The following KLF12 variants were observed in gnomAD, a reference collection of about 807,000 sequenced individuals.
KLF12 encodes KLF transcription factor 12.
KLF12 carries 9 observed loss-of-function variants against 37.8 expected under a neutral mutation model. The observed-to-expected ratio is 0.24, with a 90% CI of 0.14 to 0.42. The LOEUF (loss-of-function observed/expected upper bound fraction) is 0.42, where lower values mean the gene tolerates loss of function less well. Ranked by LOEUF, KLF12 falls within the 10% of genes least tolerant of loss-of-function variation. KLF12 has a pLI of 1.00. For missense variants in KLF12, 411 were observed against 516.0 expected, an observed-to-expected ratio of 0.80 and a Z score of 1.97; for synonymous variants, 208 against 202.1, an observed-to-expected ratio of 1.03 and a Z score of -0.25.
At chr13:74,223,605 G>C in the KLF12 span, among the ~76,000 whole-genome samples, 1 of 152,292 alleles carries the variant, frequency 6.6e-6, no homozygotes, top group East Asian at 1.9e-4. Context: ...ATGGAATAGA[G>C]ATGGAAAGTG....
chr13:74,172,720 C>T, the KLF12 span, among the ~76,000 whole-genome samples: 79 of 152,290 alleles, frequency 5.2e-4, no homozygotes, highest in African/African-American at 1.7e-3. Context: ...GTGCCTTTCC[C>T]CATACCACAG....
At chr13:74,146,451 A>T in the KLF12 span, among the ~76,000 whole-genome samples, 1 of 152,184 alleles carries the variant, frequency 6.6e-6, no homozygotes, top group Non-Finnish European at 1.5e-5. Context: ...GACAGTACAA[A>T]GCTTGAAAAA....
chr13:73,918,170 A>C (rs1888937543), intron 3 of KLF12, among the ~76,000 whole-genome samples: 1 of 152,150 alleles, frequency 6.6e-6, no homozygotes, highest in Non-Finnish European at 1.5e-5. Context: ...CACAAAACTA[A>C]GTGAAAAGAA....
At chr13:74,079,823 G>A (rs1246391203) in intron 1 of KLF12, among the ~76,000 whole-genome samples, 1 of 152,158 alleles carries the variant, frequency 6.6e-6, no homozygotes, top group Non-Finnish European at 1.5e-5. Context: ...CAGTATGGCG[G>A]TTCCTCAAAA....
chr13:74,074,094 T>C (rs1393897088), intron 1 of KLF12, among the ~76,000 whole-genome samples: 1 of 152,190 alleles, frequency 6.6e-6, no homozygotes, highest in Non-Finnish European at 1.5e-5. Flanking sequence ...AAAGAATCAC[T>C]GATTAAAAAG....
intron 2 of KLF12, among the ~76,000 whole-genome samples, chr13:73,970,732 G>A (rs1449184975): frequency 6.6e-6 from 1 of 152,184 alleles, no homozygotes; most frequent in Non-Finnish European, 1.5e-5. Flanking sequence ...TGGAAATGCT[G>A]AAGAAACATT....
At chr13:74,184,096 G>C in the KLF12 span, among the ~76,000 whole-genome samples, 1 of 152,150 alleles carries the variant, frequency 6.6e-6, no homozygotes, top group African/African-American at 2.4e-5. Context: ...CCCAGCCTTA[G>C]ACCTCCTGAA....
At position 73,693,343 on chromosome 13, in the gene KLF12, T is replaced by G. The variant is rs1359587439; in HGVS notation, c.*2147A>C. 6.6e-6 allele frequency: 1 copy of G among 152,162 alleles called. No homozygotes were observed. The highest frequency in any genetic ancestry group is 1.5e-5 in the Non-Finnish European group (1 of 68,026). The allele number at this position is 152,162 out of a possible 1,614,324, so 9.4% of individuals were successfully genotyped here. A position where few individuals can be genotyped will look rare whatever the true frequency, so the allele number is the denominator to read the frequency against. ...TTTCCAGGTGCTAAAAAAAACCCAC[T>G]GGTTGATGAGTAGTAGACTGTGCAG... On this transcript the variant is annotated 3_prime_UTR_variant, in exon 8 of 8. Transcript: ENST00000377669.
rs1292624255 is a variant in KLF12, at chr13:73,693,917, G to A, written c.*1573C>T. ...TTCTGAAAGAATGCTCGTTGGTGAT[G>A]TATTGCTTGTTTACTGTATATGTTC... On this transcript the variant is annotated 3_prime_UTR_variant, in exon 8 of 8. Transcript: ENST00000377669. 6.6e-6 allele frequency: 1 copy of A among 152,558 alleles called. No individual in the cohort carries two copies. Among genetic ancestry groups the A allele is most frequent in the African/African-American group, 2.4e-5 (1 of 41,430 alleles). 9.5% of individuals were successfully genotyped at this position (152,558 alleles called of 1,614,324 possible). A position where few individuals can be genotyped will look rare whatever the true frequency, so the allele number is the denominator to read the frequency against.
chr13:73,784,500 A>G (rs1296918561), intron 5 of KLF12, among the ~76,000 whole-genome samples: 4 of 148,268 alleles, frequency 2.7e-5, no homozygotes, highest in Non-Finnish European at 6.0e-5. Context: ...AACTTACTTC[A>G]GTAACGAGCC....
chr13:73,856,647 T>C (rs973166661), intron 3 of KLF12, among the ~76,000 whole-genome samples: 1 of 151,848 alleles, frequency 6.6e-6, no homozygotes, highest in Non-Finnish European at 1.5e-5. Flanking sequence ...CTTTAAAAAA[T>C]AAGGTAATGT....
intron 1 of KLF12, among the ~76,000 whole-genome samples, chr13:74,098,156 T>C (rs1167031015): frequency 6.6e-6 from 1 of 152,194 alleles, no homozygotes; most frequent in Non-Finnish European, 1.5e-5. Flanking sequence ...TCGGCCATAA[T>C]AATAAAGTCA....
intron 3 of KLF12, among the ~76,000 whole-genome samples, chr13:73,885,573 A>G (rs939140470): frequency 8.5e-5 from 13 of 152,238 alleles, no homozygotes; most frequent in African/African-American, 2.9e-4. Context: ...TGGTCACACA[A>G]AAGTTTAGTG....
At chr13:73,808,477 G>A (rs1566382941) in intron 5 of KLF12, among the ~76,000 whole-genome samples, 2 of 152,028 alleles carry the variant, frequency 1.3e-5, no homozygotes, top group Non-Finnish European at 2.9e-5. Context: ...GTAAACAGAG[G>A]TCGATTCAGA....
At position 73,686,534 on chromosome 13, in the gene KLF12, T is replaced by C. The variant is rs762296228; in HGVS notation, c.*8956A>G. The C allele has an allele frequency of 3.9e-5, 6 of 152,668 alleles. No homozygotes were observed. Among genetic ancestry groups the C allele is most frequent in the Non-Finnish European group, 7.3e-5 (5 of 68,048 alleles). The allele number at this position is 152,668 out of a possible 1,614,324, so 9.5% of individuals were successfully genotyped here. A position where few individuals can be genotyped will look rare whatever the true frequency, so the allele number is the denominator to read the frequency against. ...GGAAACTATTGGGAAATTAGGTCTT[T>C]AGATAAACTGGAGAAATAAATTCAT... On this transcript the variant is annotated 3_prime_UTR_variant, in exon 8 of 8. Transcript: ENST00000377669.
At chr13:74,203,646 A>T in the KLF12 span, among the ~76,000 whole-genome samples, 2 of 152,120 alleles carry the variant, frequency 1.3e-5, no homozygotes, top group African/African-American at 4.8e-5. Flanking sequence ...AACTTGGTGG[A>T]GGTTGGCATG....
the KLF12 span, among the ~76,000 whole-genome samples, chr13:74,157,191 A>ATTG: frequency 6.6e-6 from 1 of 152,202 alleles, no homozygotes; most frequent in African/African-American, 2.4e-5. Context: ...ATCAAGAGAT[A>ATTG]TTTGCTTTAT....
the KLF12 span, among the ~76,000 whole-genome samples, chr13:74,148,276 C>A: frequency 3.9e-5 from 6 of 152,068 alleles, no homozygotes; most frequent in South Asian, 1.2e-3. Flanking sequence ...CTTCAGCATA[C>A]AACATGCTAT....
chr13:73,853,941 T>G (rs1347149022), intron 3 of KLF12, among the ~76,000 whole-genome samples: 1 of 152,202 alleles, frequency 6.6e-6, no homozygotes, highest in Admixed American at 6.5e-5. Context: ...GAATTTTAAA[T>G]CCTACTTATA....
Sources: allele counts gnomAD v4.1 joint callset (sites outside exome capture counted in the v4.1 genomes callset), GRCh38; gene constraint gnomAD v4.1.1; transcripts MANE v1.5; gene names NCBI Gene and HGNC (gene_info 2026-07-23, HGNC 2026-07-21).